SNRNP70: variants seen among roughly 807,000 people sequenced by gnomAD.
SNRNP70 encodes U1 small nuclear ribonucleoprotein 70 kDa.
SNRNP70 carries 8 observed loss-of-function variants against 50.5 expected under a neutral mutation model. The observed-to-expected ratio is 0.16, with a 90% CI of 0.09 to 0.29. SNRNP70 has a LOEUF of 0.29. Among genes scored for constraint, SNRNP70 ranks in the 10% least tolerant of loss-of-function variants. The pLI is 1.00. For synonymous variants in SNRNP70, 320 were observed against 252.9 expected, an observed-to-expected ratio of 1.27 and a Z score of -2.52; for missense variants, 529 against 663.5, an observed-to-expected ratio of 0.80 and a Z score of 2.23.
chr19:49,091,078 T>G (rs1307061241), intron 4 of SNRNP70, among the ~76,000 whole-genome samples: 1 of 152,074 alleles, frequency 6.6e-6, no homozygotes, highest in South Asian at 2.1e-4. Context: ...CCTATAAGAT[T>G]ATATCATATT....
At chr19:49,098,778 G>A in intron 6 of SNRNP70, 74 bp downstream of exon 6, 5 of 1,225,146 alleles carry the variant, frequency 4.1e-6, no homozygotes, top group Non-Finnish European at 6.1e-6. Flanking sequence ...GGGAGGGAGA[G>A]AGGTCCCAGC....
At chr19:49,106,286 A>G (rs765919818) in intron 8 of SNRNP70, among the ~76,000 whole-genome samples, 163 of 152,206 alleles carry the variant, frequency 1.1e-3, no homozygotes, top group African/African-American at 3.5e-3. Flanking sequence ...TTCTAGTTCA[A>G]TTGCCATTCA....
intron 7 of SNRNP70, 137 bp downstream of exon 7, chr19:49,101,608 T>C: frequency 1.6e-6 from 1 of 633,658 alleles, no homozygotes; most frequent in East Asian, 2.7e-5. Context: ...CCTCTGTTTC[T>C]GATGTATCTT....
chr19:49,090,613 C>A, intron 4 of SNRNP70, 93 bp downstream of exon 4: 2 of 1,210,532 alleles, frequency 1.7e-6, no homozygotes, highest in Non-Finnish European at 2.4e-6. Context: ...CTCCCTAAGG[C>A]CTGTGTTGTG....
intron 8 of SNRNP70, among the ~76,000 whole-genome samples, chr19:49,105,372 CT>C (rs914352877): frequency 4.6e-5 from 7 of 152,104 alleles, no homozygotes; most frequent in African/African-American, 1.7e-4. Context: ...CATGGGCATC[CT>C]TTGGAGTTCG....
chr19:49,101,874 C>G (rs537688045), intron 7 of SNRNP70, among the ~76,000 whole-genome samples: 17 of 152,082 alleles, frequency 1.1e-4, no homozygotes, highest in East Asian at 1.9e-4. Flanking sequence ...TCTCTTCCCC[C>G]CCCAGTAGAA....
At chr19:49,092,495 G>A (rs577569293) in intron 4 of SNRNP70, among the ~76,000 whole-genome samples, 6 of 151,404 alleles carry the variant, frequency 4.0e-5, no homozygotes, top group Non-Finnish European at 7.4e-5. Context: ...TGCAACTTCC[G>A]CCTCCTGGGT....
In SNRNP70 at chr19:49,096,058, G is replaced by A. The variant is rs559056846; in HGVS notation, c.266-2369G>A. 4.0e-3 allele frequency among the ~76,000 whole-genome samples: 600 copies of A among 151,240 alleles called. 1 individual carries two copies. Among genetic ancestry groups the A allele is most frequent in the Non-Finnish European group, 7.3e-3 (495 of 67,832 alleles). On this transcript the variant is annotated intron_variant, in intron 4 of 9. Coordinates refer to ENST00000598441, the MANE Select transcript of SNRNP70 (RefSeq NM_003089.6). ...AACGCTCAGGGATAAGGTATGGCAA[G>A]GAACGTTTTTTGTTTTTTGTTTTTT...
chr19:49,094,576 G>C (rs770709383), intron 4 of SNRNP70, among the ~76,000 whole-genome samples: 12 of 152,114 alleles, frequency 7.9e-5, no homozygotes, highest in Non-Finnish European at 1.8e-4. Context: ...CGGGCTCATG[G>C]GAGTTCGTTA....
chr19:49,096,144 A>C (rs1053454412), intron 4 of SNRNP70, among the ~76,000 whole-genome samples: 6 of 150,190 alleles, frequency 4.0e-5, no homozygotes, highest in South Asian at 2.1e-4. Context: ...TGCAATCTCC[A>C]CCTCCCAGAT....
At chr19:49,088,386 A>G (rs547431506) in intron 2 of SNRNP70, among the ~76,000 whole-genome samples, 32 of 148,990 alleles carry the variant, frequency 2.1e-4, no homozygotes, top group Admixed American at 1.1e-3. Flanking sequence ...GTATTTTTAG[A>G]GATGGGGTTT....
At chr19:49,093,417 G>C (rs546104573) in intron 4 of SNRNP70, among the ~76,000 whole-genome samples, 5 of 152,122 alleles carry the variant, frequency 3.3e-5, no homozygotes, top group Non-Finnish European at 7.4e-5. Flanking sequence ...TTCCACCCGG[G>C]CGTGGTGGCT....
chr19:49,105,445 A>G (rs1282223185), intron 8 of SNRNP70, among the ~76,000 whole-genome samples: 3 of 152,240 alleles, frequency 2.0e-5, no homozygotes, highest in Admixed American at 1.3e-4. Context: ...AGCTGGGGCA[A>G]CCAGGCCAGG....
Position 49,107,839 on chromosome 19 carries a change from G to A in SNRNP70, c.710G>A (p.Arg237His). 2 of 1,575,344 alleles carry A rather than the reference G, an allele frequency of 1.3e-6. No individual in the cohort carries two copies. Among genetic ancestry groups the A allele is most frequent in the South Asian group, 1.2e-5 (1 of 86,818 alleles). The change falls in exon 10 of 10, where the codon CGT (arginine) becomes CAT (histidine). Residue 237 changes from arginine (R) to histidine (H), a missense_variant. This residue lies in a region of SNRNP70 where 53 missense variants were observed against 78.6 expected (regional missense o/e 0.67). Coordinates refer to ENST00000598441, the MANE Select transcript of SNRNP70 (RefSeq NM_003089.6). This position sits in a 1 kb window ranked among gnomAD's most constrained non-coding sequence, Gnocchi z 6.0. ...PLPHRDRDRDRERERRERSRE... is the reference protein window; with the variant it reads ...PLPHRDRDRDHERERRERSRE... ...CCGCACAGGGACCGGGACCGGGACC[G>A]TGAGCGGGAGCGCAGAGAGCGGAGC...
In SNRNP70 at chr19:49,086,522, A is replaced by G. The variant is rs776376923; in HGVS notation, c.108A>G (p.Gln36=). Residue 36 remains glutamine, a synonymous_variant, in exon 2 of 10, where the codon CAA becomes CAG. Transcript: ENST00000598441. ...TGCCACATGAAAAACACCACAATCA[A>G]CCTTATTGTGGCATTGCGCCGTACA... is the stretch of plus-strand genomic sequence containing the variant. ...EKLPHEKHHN[Q]PYCGIAPYIR... 5.5e-5 allele frequency: 88 copies of G among 1,613,316 alleles called. No individual in the cohort carries two copies. Among genetic ancestry groups the G allele is most frequent in the Non-Finnish European group, 6.7e-5 (79 of 1,179,844 alleles).
intron 8 of SNRNP70, among the ~76,000 whole-genome samples, chr19:49,106,713 C>T (rs1390633432): frequency 6.6e-6 from 1 of 152,226 alleles, no homozygotes; most frequent in African/African-American, 2.4e-5. Context: ...TGCTGAGTCA[C>T]TGTGGGCCAG....
chr19:49,108,537 C>T lies in SNRNP70; in HGVS notation c.*94C>T, dbSNP rs2040717282. On this transcript the variant is annotated 3_prime_UTR_variant, in exon 10 of 10. Coordinates refer to ENST00000598441, the MANE Select transcript of SNRNP70 (RefSeq NM_003089.6). ...CCCAACCTTGGCCACTTGAGTTTGT[C>T]CTCCAAGGGTAGGTGTCTCATTTGT... 5 of 1,464,634 alleles carry T rather than the reference C, an allele frequency of 3.4e-6. No individual in the cohort carries two copies. Among genetic ancestry groups the T allele is most frequent in the African/African-American group, 1.4e-5 (1 of 70,818 alleles). The allele number at this position is 1,464,634 out of a possible 1,614,324, so 90.7% of individuals were successfully genotyped here. A position where few individuals can be genotyped will look rare whatever the true frequency, so the allele number is the denominator to read the frequency against.
intron 4 of SNRNP70, among the ~76,000 whole-genome samples, chr19:49,091,455 G>A (rs1261785110): frequency 3.9e-5 from 6 of 152,022 alleles, no homozygotes; most frequent in South Asian, 2.1e-4. Flanking sequence ...ACTTACTATT[G>A]TGTTAGGATT....
In SNRNP70 at chr19:49,105,060, T is replaced by C. The variant is rs371212321; in HGVS notation, c.577+325T>C. ...ATAACCCCGAGTTCACTGAGCTCAGTGTACTGGGCGCCCAGCTTGGCAGTG... is the reference window on the plus strand; with the variant it reads ...ATAACCCCGAGTTCACTGAGCTCAGCGTACTGGGCGCCCAGCTTGGCAGTG... On this transcript the variant is annotated intron_variant, in intron 8 of 9. Transcript: ENST00000598441. 8.5e-5 allele frequency among the ~76,000 whole-genome samples: 13 copies of C among 152,224 alleles called. No homozygotes were observed. The East Asian group carries it at 1.4e-3, about 16-fold the overall frequency.
Sources: allele counts gnomAD v4.1 joint callset (sites outside exome capture counted in the v4.1 genomes callset), GRCh38; gene constraint gnomAD v4.1.1; regional missense constraint gnomAD v4.1.1; non-coding constraint Gnocchi (gnomAD v3.1); transcripts MANE v1.5; gene names NCBI Gene and HGNC (gene_info 2026-07-23, HGNC 2026-07-21).